The following CERS6 variants were observed in gnomAD, a reference collection of about 807,000 sequenced individuals.
CERS6 encodes LAG1 homolog, ceramide synthase 6.
Under a neutral mutation model 56.8 loss-of-function variants are expected in CERS6, and 26 were observed. That is an observed-to-expected ratio of 0.46 (90% CI 0.34 to 0.63). The LOEUF (loss-of-function observed/expected upper bound fraction) is 0.63. CERS6 is among the 30% of genes least tolerant of loss of function. The pLI is 0.01. For missense variants in CERS6, 415 were observed against 467.5 expected (o/e 0.89, Z 1.04); for synonymous variants, 164 against 173.3 (o/e 0.95, Z 0.42).
intron 8 of CERS6, among the ~76,000 whole-genome samples, chr2:168,743,182 A>ATG (rs969511942): frequency 6.7e-6 from 1 of 148,804 alleles, no homozygotes; most frequent in Non-Finnish European, 1.5e-5. Flanking sequence ...GTGTGTGTGT[A>ATG]TGTGTGTGTG....
Position 168,645,116 on chromosome 2 carries a change from A to ATATAT in CERS6, c.465+14074_465+14075insTATAT, listed in dbSNP as rs1193983720. Reference sequence around the variant, plus strand: ...AAAAAAAAAAAAAAAAAAAAAAAAAAATATATATATATATATATATATATA... The same window carrying ATATAT: ...AAAAAAAAAAAAAAAAAAAAAAAAAATATATATATATATATATATATATATATATA... On this transcript the variant is annotated intron_variant, in intron 4 of 9. Transcript: ENST00000305747. Among the ~76,000 whole-genome samples the ATATAT allele has an allele frequency of 3.1e-3, 59 of 19,020 alleles. 7 individuals are homozygous for ATATAT. Among genetic ancestry groups the ATATAT allele is most frequent in the African/African-American group, 3.6e-3 (22 of 6,138 alleles). The allele number at this position is 19,020 out of a possible 152,430, so 12.5% of individuals were successfully genotyped here.
In CERS6 at chr2:168,670,967, C is replaced by T. The variant is rs1339557675; in HGVS notation, c.466-20067C>T. 3.8e-3 allele frequency among the ~76,000 whole-genome samples: 40 copies of T among 10,648 alleles called. 8 individuals are homozygous for T. The highest frequency in any genetic ancestry group is 6.3e-3 in the African/African-American group (40 of 6,370). 7.0% of individuals were successfully genotyped at this position (10,648 alleles called of 152,430 possible). On this transcript the variant is annotated intron_variant, in intron 4 of 9. Transcript: ENST00000305747. ...CAGAGCAGGTGCTGGATACATGCTT[C>T]CCCCCCCCCCCCCAGACGGAAGCTT...
chr2:168,610,974 AT>A (rs1429134474), intron 3 of CERS6, among the ~76,000 whole-genome samples: 4 of 151,932 alleles, frequency 2.6e-5, no homozygotes, highest in African/African-American at 9.7e-5. Flanking sequence ...TACCTGGCTA[AT>A]TTTTTGTATT....
intron 1 of CERS6, among the ~76,000 whole-genome samples, chr2:168,506,306 T>C (rs764579881): frequency 6.6e-6 from 1 of 152,158 alleles, no homozygotes; most frequent in Non-Finnish European, 1.5e-5. Flanking sequence ...GAATACATCT[T>C]TGAATAGTCT....
At chr2:168,464,174 TTGTGTG>T (rs35372610) in intron 1 of CERS6, among the ~76,000 whole-genome samples, 101 of 139,786 alleles carry the variant, frequency 7.2e-4, no homozygotes, top group South Asian at 1.5e-3. Flanking sequence ...TTTATACTTT[TTGTGTG>T]TGTGTGTGTG....
chr2:168,542,029 T>C (rs1014608785), intron 1 of CERS6, among the ~76,000 whole-genome samples: 3 of 152,122 alleles, frequency 2.0e-5, no homozygotes, highest in African/African-American at 7.2e-5. Flanking sequence ...AACAGAGAGG[T>C]CACTCTTTAC....
At chr2:168,482,241 T>G (rs1694189096) in intron 1 of CERS6, among the ~76,000 whole-genome samples, 1 of 152,226 alleles carries the variant, frequency 6.6e-6, no homozygotes, top group African/African-American at 2.4e-5. Flanking sequence ...GAAATGAATT[T>G]AAATGCATGC....
rs141941907 is a variant in CERS6, at chr2:168,500,989, A to C, written c.170+44371A>C. Among the ~76,000 whole-genome samples, 12 of 152,330 alleles carry C rather than the reference A, an allele frequency of 7.9e-5. No homozygotes were observed. In the East Asian group the frequency reaches 1.4e-3, roughly 17 times the overall value. ...AGATGTAGGGCTAGGCATTTAGAAG[A>C]TGGTGGTGGGTATTTCCCCATTTAC... On this transcript the variant is annotated intron_variant, in intron 1 of 9. Transcript: ENST00000305747.
chr2:168,563,504 A>T lies in CERS6; in HGVS notation c.407+2182A>T, dbSNP rs575509354. ...AGGTCAAAGATAGATATTAGAAAAT[A>T]ACCAGATATGGGGCCAGGTGCAGTG... is the stretch of plus-strand genomic sequence containing the variant. On this transcript the variant is annotated intron_variant, in intron 3 of 9. Transcript: ENST00000305747. Among the ~76,000 whole-genome samples, 347 of 152,328 alleles carry T rather than the reference A, an allele frequency of 2.3e-3. 2 individuals carry two copies. The highest frequency in any genetic ancestry group is 7.9e-3 in the African/African-American group (327 of 41,578).
intron 3 of CERS6, among the ~76,000 whole-genome samples, chr2:168,602,587 T>C (rs960694175): frequency 2.0e-5 from 3 of 152,216 alleles, no homozygotes; most frequent in Admixed American, 6.5e-5. Flanking sequence ...AATGTAGATA[T>C]GTAGTTTGCT....
chr2:168,485,848 G>A (rs1694266307), intron 1 of CERS6, among the ~76,000 whole-genome samples: 1 of 152,064 alleles, frequency 6.6e-6, no homozygotes, highest in African/African-American at 2.4e-5. Flanking sequence ...AAACCATTTG[G>A]GTTAATACCT....
intron 4 of CERS6, among the ~76,000 whole-genome samples, chr2:168,657,794 C>A (rs922443360): frequency 2.6e-5 from 4 of 152,262 alleles, no homozygotes; most frequent in African/African-American, 9.6e-5. Flanking sequence ...GCGCCGCACG[C>A]AGCCCCGGTT....
rs950956115 is a variant in CERS6 at position 168,750,047 on chromosome 2, G to A, written c.846-15545G>A. Among the ~76,000 whole-genome samples the A allele has an allele frequency of 2.2e-4, 33 of 152,228 alleles. 1 individual carries two copies. The highest frequency in any genetic ancestry group is 1.5e-5 in the Non-Finnish European group (1 of 68,048). ...ATGGAGAGGGGCAATTAACTTCCAG[G>A]TGTTGGCTTGGCAATGGCAATGGCG... On this transcript the variant is annotated intron_variant, in intron 8 of 9. Coordinates refer to ENST00000305747, the MANE Select transcript of CERS6 (RefSeq NM_203463.3).
intron 8 of CERS6, among the ~76,000 whole-genome samples, chr2:168,741,535 T>G (rs1351747464): frequency 6.6e-6 from 1 of 152,098 alleles, no homozygotes; most frequent in Non-Finnish European, 1.5e-5. Context: ...TTAAAAAAAA[T>G]CCCACAATGT....
chr2:168,639,050 A>G (rs1365881437), intron 4 of CERS6, among the ~76,000 whole-genome samples: 2 of 152,222 alleles, frequency 1.3e-5, no homozygotes, highest in African/African-American at 2.4e-5. Flanking sequence ...ATAAAAAAAA[A>G]AGAACGCATG....
Position 168,717,899 on chromosome 2 carries a change from T to C in CERS6, c.766T>C (p.Phe256Leu). 1 of 1,613,806 alleles carries C rather than the reference T, an allele frequency of 6.2e-7. No individual in the cohort carries two copies. The highest frequency in any genetic ancestry group is 8.5e-7 in the Non-Finnish European group (1 of 1,179,784). ...TGCCAAAATGGCAAATTATGCCAAGTTTCAGAAAATGTGTGATCTCCTGTT... is the reference window on the plus strand; with the variant it reads ...TGCCAAAATGGCAAATTATGCCAAGCTTCAGAAAATGTGTGATCTCCTGTT... Reference protein sequence around the residue: ...EAAKMANYAKFQKMCDLLFVM... With the variant: ...EAAKMANYAKLQKMCDLLFVM... Residue 256 changes from phenylalanine to leucine, a missense_variant, in exon 8 of 10, where the codon TTT (phenylalanine) becomes CTT (leucine). By Grantham distance (22) the Phe-to-Leu change is conservative (BLOSUM62 0). Transcript: ENST00000305747.
intron 1 of CERS6, among the ~76,000 whole-genome samples, chr2:168,520,290 C>T (rs572251633): frequency 1.7e-4 from 26 of 152,076 alleles, no homozygotes; most frequent in African/African-American, 6.0e-4. Context: ...TTTATTTTCT[C>T]GTTGATTCGT....
chr2:168,557,402 T>TG (rs1328452242), intron 2 of CERS6, among the ~76,000 whole-genome samples: 2 of 152,332 alleles, frequency 1.3e-5, no homozygotes, highest in East Asian at 3.9e-4. Flanking sequence ...GTTCCTTGTG[T>TG]GACCATTTGT....
At chr2:168,736,985 T>C (rs1361700133) in intron 8 of CERS6, among the ~76,000 whole-genome samples, 1 of 151,932 alleles carries the variant, frequency 6.6e-6, no homozygotes, top group African/African-American at 2.4e-5. Flanking sequence ...GGTGGATTTG[T>C]CTAGAATTTG....
Sources: gnomAD v4.1 joint callset for allele counts (sites outside exome capture counted in the v4.1 genomes callset) on GRCh38, gnomAD v4.1.1 for gene constraint, MANE v1.5 for transcripts, NCBI Gene and HGNC (gene_info 2026-07-23, HGNC 2026-07-21) for gene names.